The following F2 variants were observed in gnomAD, a reference collection of about 807,000 sequenced individuals.
The protein encoded by F2 is coagulation factor II, thrombin.
Under a neutral mutation model 81.9 loss-of-function variants are expected in F2, and 34 were observed. The ratio of observed to expected loss-of-function variants is 0.42; its 90% CI spans 0.32 to 0.55. The LOEUF is 0.55. Among genes scored for constraint, F2 ranks in the 20% least tolerant of loss-of-function variants. The probability of loss-of-function intolerance (pLI) is 0.18; values close to 1 mark genes in which losing one functional copy is unlikely to be tolerated. For synonymous variants in F2, 296 were observed against 326.4 expected, an observed-to-expected ratio of 0.91 and a Z score of 1.01; for missense variants, 630 against 833.4, an observed-to-expected ratio of 0.76 and a Z score of 3.00.
At chr11:46,734,272 A>AT (rs1314092944) in intron 12 of F2, among the ~76,000 whole-genome samples, 1 of 151,608 alleles carries the variant, frequency 6.6e-6, no homozygotes, top group South Asian at 2.1e-4. Flanking sequence ...GTATTATATA[A>AT]TTTTTTTGTG....
At chr11:46,733,875 G>A (rs1238095149) in intron 12 of F2, among the ~76,000 whole-genome samples, 2 of 128,014 alleles carry the variant, frequency 1.6e-5, no homozygotes, top group East Asian at 2.8e-4. Flanking sequence ...TGCAACTTCC[G>A]CCTTCTGGGT....
At position 46,724,746 on chromosome 11, in the gene F2, T is replaced by C. The variant is rs145973520; in HGVS notation, c.560-1113T>C. On this transcript the variant is annotated intron_variant, in intron 6 of 13. Transcript: ENST00000311907. ...TCTCTAGGCATCCCTGTCGGGCCCA[T>C]TGCTCATTCCTGGGGTTGGTCTTTT... Among the ~76,000 whole-genome samples, 387 of 150,074 alleles carry C rather than the reference T, an allele frequency of 2.6e-3. 2 individuals are homozygous for C. The highest frequency in any genetic ancestry group is 9.2e-3 in the African/African-American group (379 of 41,354).
intron 12 of F2, among the ~76,000 whole-genome samples, chr11:46,733,781 C>CA (rs1161815345): frequency 7.4e-6 from 1 of 135,896 alleles, no homozygotes; most frequent in East Asian, 2.2e-4. Flanking sequence ...TGATTAAGGA[C>CA]CTTTTTTTTT....
chr11:46,729,112 C>T (rs1000196604), intron 11 of F2, among the ~76,000 whole-genome samples: 2 of 152,124 alleles, frequency 1.3e-5, no homozygotes, highest in African/African-American at 4.8e-5. Flanking sequence ...TCTCCTGCCT[C>T]AGTCTCCTGA....
intron 6 of F2, among the ~76,000 whole-genome samples, chr11:46,725,561 A>G (rs991211017): frequency 6.6e-6 from 1 of 152,168 alleles, no homozygotes; most frequent in Non-Finnish European, 1.5e-5. Flanking sequence ...CTCCTCCAGC[A>G]GCTCCAGGCA....
At chr11:46,720,716 A>T in intron 3 of F2, 74 bp from the exon 4 acceptor site, 1 of 1,572,122 alleles carries the variant, frequency 6.4e-7, no homozygotes, top group East Asian at 2.2e-5. Flanking sequence ...TCTCACCAAC[A>T]TCCCATCCAC....
rs982438769 is a variant in F2 at position 46,729,534 on chromosome 11, C to T, written c.1627C>T (p.Arg543Cys). ...GGTCTGCAAGGACTCCACCCGGATC[C>T]GCATCACTGACAACATGTTCTGTGC... ...RPVCKDSTRIRITDNMFCAGY... is the reference protein window; with the variant it reads ...RPVCKDSTRICITDNMFCAGY... The change falls in exon 12 of 14, where the codon CGC (arginine) becomes TGC (cysteine). Residue 543 changes from arginine to cysteine, a missense_variant. Transcript: ENST00000311907. The T allele has an allele frequency of 8.7e-6, 14 of 1,613,592 alleles. No homozygotes were observed. Among genetic ancestry groups the T allele is most frequent in the African/African-American group, 2.7e-5 (2 of 74,896 alleles).
At chr11:46,735,574 G>A (rs980738505) in intron 12 of F2, among the ~76,000 whole-genome samples, 1 of 152,042 alleles carries the variant, frequency 6.6e-6, no homozygotes, top group Non-Finnish European at 1.5e-5. Context: ...AGTGAGCTAT[G>A]ACCGCACCAT....
chr11:46,721,743 T>G (rs1269861438), intron 4 of F2, among the ~76,000 whole-genome samples: 1 of 152,118 alleles, frequency 6.6e-6, no homozygotes, highest in Non-Finnish European at 1.5e-5. Flanking sequence ...TTGCCCAGGC[T>G]GATCTTGAAC....
At position 46,729,479 on chromosome 11, in the gene F2, G is replaced by T; in HGVS notation, c.1572G>T (p.Gln524His). 1.2e-6 allele frequency: 2 copies of T among 1,614,180 alleles called. No homozygotes were observed. Among genetic ancestry groups the T allele is most frequent in the Non-Finnish European group, 1.7e-6 (2 of 1,180,036 alleles). ...GTAAGGGGCAGCCCAGTGTCCTGCA[G>T]GTGGTGAACCTGCCCATTGTGGAGC... ...NVGKGQPSVL[Q>H]VVNLPIVERP... The change falls in exon 12 of 14, where the codon CAG becomes CAT. Residue 524 changes from glutamine (Q) to histidine (H), a missense_variant. Gln to His is a conservative substitution (Grantham distance 24). Coordinates refer to ENST00000311907, the MANE Select transcript of F2 (RefSeq NM_000506.5).
Position 46,728,609 on chromosome 11 carries a change from G to C in F2, c.1299-55G>C. The C allele has an allele frequency of 6.2e-7, 1 of 1,604,642 alleles. No homozygotes were observed. The highest frequency in any genetic ancestry group is 8.5e-7 in the Non-Finnish European group (1 of 1,172,462). ...AGACCCCAAGGGCAGGCAGTTTCCT[G>C]CTCCTTGCTGGGTGAACCTGCAGCT... is the stretch of plus-strand genomic sequence containing the variant. On this transcript the variant is annotated intron_variant, in intron 10 of 13. Coordinates refer to ENST00000311907, the MANE Select transcript of F2 (RefSeq NM_000506.5). This position sits in a 1 kb window ranked among gnomAD's most constrained non-coding sequence, Gnocchi z 5.1.
In F2 at chr11:46,726,229, C is replaced by G; in HGVS notation, c.874+56C>G. The stretch of plus-strand genomic sequence containing the variant: ...CAGGGACAAATCCTGGTGGGAATAA[C>G]AACAGCCGCTTCTGCTTATCGAACG... On this transcript the variant is annotated intron_variant, in intron 7 of 13. Transcript: ENST00000311907. This position sits in a 1 kb window ranked among gnomAD's most constrained non-coding sequence, Gnocchi z 5.9. The G allele has an allele frequency of 6.3e-7, 1 of 1,599,096 alleles. No homozygotes were observed.
At chr11:46,731,643 T>A (rs527928116) in intron 12 of F2, among the ~76,000 whole-genome samples, 14 of 152,130 alleles carry the variant, frequency 9.2e-5, no homozygotes, top group Admixed American at 9.2e-4. Context: ...TTCTATGACC[T>A]TGACATGTCT....
rs3136528 is a variant in F2, at chr11:46,736,203, A to AAATC, written c.1655-2824_1655-2821dup. On this transcript the variant is annotated intron_variant, in intron 12 of 13. Coordinates refer to ENST00000311907, the MANE Select transcript of F2 (RefSeq NM_000506.5). ...GGCAACAGAGCGAGACTCTATCTCA[A>AAATC]AATCAATCAATCAATCAATCAATCT... Among the ~76,000 whole-genome samples, 63 of 152,316 alleles carry AAATC rather than the reference A, an allele frequency of 4.1e-4. 2 individuals are homozygous for AAATC. The highest frequency in any genetic ancestry group is 1.1e-3 in the Admixed American group (17 of 15,292).
At position 46,739,074 on chromosome 11, in the gene F2, G is replaced by A. The variant is rs1233807188; in HGVS notation, c.1681G>A (p.Gly561Arg). Residue 561 changes from glycine to arginine, a missense_variant, in exon 13 of 14, where the codon GGG becomes AGG. By Grantham distance (125) the Gly-to-Arg change is moderately radical (BLOSUM62 -2). Coordinates refer to ENST00000311907, the MANE Select transcript of F2 (RefSeq NM_000506.5). ...TTACAAGCCTGATGAAGGGAAACGA[G>A]GGGATGCCTGTGAAGGTGACAGTGG... ...AGYKPDEGKRGDACEGDSGGP... is the reference protein window; with the variant it reads ...AGYKPDEGKRRDACEGDSGGP... The A allele has an allele frequency of 6.2e-7, 1 of 1,614,204 alleles. No individual in the cohort carries two copies. The highest frequency in any genetic ancestry group is 2.2e-5 in the East Asian group (1 of 44,890).
intron 6 of F2, among the ~76,000 whole-genome samples, chr11:46,724,797 T>C (rs2064861174): frequency 6.6e-6 from 1 of 151,484 alleles, no homozygotes; most frequent in African/African-American, 2.4e-5. Flanking sequence ...AGATGGAGTC[T>C]CACTCCCTTG....
chr11:46,720,492 C>T (rs369279444), intron 2 of F2, 31 bp from the exon 3 acceptor site: 30 of 1,613,702 alleles, frequency 1.9e-5, no homozygotes, highest in Admixed American at 6.7e-5. Flanking sequence ...CAGGAGCTGC[C>T]GTAGCCTCAC....
At position 46,719,513 on chromosome 11, in the gene F2, C is replaced by G. The variant is rs1311140264; in HGVS notation, c.80-189C>G. ...TCTCTCTTCCAATATAGGGAGCAGG[C>G]TGGGGGCAAGGGGCAGTGTAGGAGG... On this transcript the variant is annotated intron_variant, in intron 1 of 13. Coordinates refer to ENST00000311907, the MANE Select transcript of F2 (RefSeq NM_000506.5). This position sits in a 1 kb window ranked among gnomAD's most constrained non-coding sequence, Gnocchi z 4.7. 4 of 939,010 alleles carry G rather than the reference C, an allele frequency of 4.3e-6. No homozygotes were observed. In the Admixed American group the frequency reaches 6.2e-5, roughly 14 times the overall value. The allele number at this position is 939,010 out of a possible 1,614,324, so 58.2% of individuals were successfully genotyped here. A position where few individuals can be genotyped will look rare whatever the true frequency, so the allele number is the denominator to read the frequency against.
chr11:46,735,919 G>A (rs897615541), intron 12 of F2, among the ~76,000 whole-genome samples: 3 of 144,092 alleles, frequency 2.1e-5, no homozygotes, highest in Admixed American at 7.0e-5. Context: ...TAAAAACTCC[G>A]TTTCGCCAGG....
Sources: allele counts gnomAD v4.1 joint callset (sites outside exome capture counted in the v4.1 genomes callset), GRCh38; gene constraint gnomAD v4.1.1; non-coding constraint Gnocchi (gnomAD v3.1); transcripts MANE v1.5; gene names NCBI Gene and HGNC (gene_info 2026-07-23, HGNC 2026-07-21).